Variants in ATR observed in about 807,000 individuals in gnomAD.
The protein encoded by ATR is ATR checkpoint kinase, also known as serine/threonine-protein kinase ATR.
In ATR, 142 loss-of-function variants were observed where a neutral mutation model predicts 305.3. The ratio of observed to expected loss-of-function variants is 0.47; its 90% CI spans 0.41 to 0.53. The LOEUF (loss-of-function observed/expected upper bound fraction) is 0.53. ATR is among the 20% of genes least tolerant of loss of function. The pLI is 0.00. For missense variants in ATR, 2,135 were observed against 3,133.1 expected (o/e 0.68, Z 7.60); for synonymous variants, 1,050 against 1,068.1 (o/e 0.98, Z 0.33).
chr3:142,566,291 C>T (rs1158644318), intron 2 of ATR, 30 bp from the exon 3 acceptor site: 1 of 1,609,106 alleles, frequency 6.2e-7, no homozygotes, highest in Non-Finnish European at 8.5e-7. Context: ...TTTAAAGAGT[C>T]ATGACAAATT....
rs752356196 is a variant in ATR at position 142,536,188 on chromosome 3, C to T, written c.3739G>A (p.Asp1247Asn). The T allele has an allele frequency of 1.3e-6, 2 of 1,581,374 alleles. No homozygotes were observed. The highest frequency in any genetic ancestry group is 2.2e-5 in the East Asian group (1 of 44,562). The part of the protein sequence containing the change: ...LIIENRDAVQ[D>N]FLHEIYFLPD... ...AAAAAATATATTTCATGAAGAAAAT[C>T]TTGCACAGCATCCCTAATAGTTAGT... The change falls in exon 20 of 47, where the codon GAT becomes AAT. Residue 1247 changes from aspartate (D) to asparagine (N), a missense_variant. Transcript: ENST00000350721.
Position 142,508,018 on chromosome 3 carries a change from G to C in ATR, c.4944C>G (p.Ser1648=), listed in dbSNP as rs200668215. ...GCATTACAGCTCGTGTGTATGCTTTGGAGCGAAAGGAAGCTACTGCCAGAG... is the reference window on the plus strand; with the variant it reads ...GCATTACAGCTCGTGTGTATGCTTTCGAGCGAAAGGAAGCTACTGCCAGAG... ...QDTLAVASFR[S]KAYTRAVMHF... is the part of the protein sequence containing the mutation. Residue 1648 remains serine (S), a synonymous_variant, in exon 28 of 47, where the codon TCC becomes TCG. Coordinates refer to ENST00000350721, the MANE Select transcript of ATR (RefSeq NM_001184.4). The C allele has an allele frequency of 1.8e-4, 294 of 1,613,082 alleles. No homozygotes were observed. Among genetic ancestry groups the C allele is most frequent in the Non-Finnish European group, 2.4e-4 (281 of 1,179,558 alleles).
At chr3:142,538,929 AT>A (rs1204446206) in intron 18 of ATR, among the ~76,000 whole-genome samples, 4 of 152,122 alleles carry the variant, frequency 2.6e-5, no homozygotes, top group African/African-American at 9.7e-5. Flanking sequence ...AAAAATAGAT[AT>A]CTGTAGAGGT....
rs186008658 is a variant in ATR, at chr3:142,451,030, C to G, written c.7762-1428G>C. ...CCATCAATTCCGTCTTAAGAGACAC[C>G]AGTGAATATGAATCATCCCTGGAGC... is the stretch of plus-strand genomic sequence containing the variant. On this transcript the variant is annotated intron_variant, in intron 46 of 46. Transcript: ENST00000350721. The G allele has an allele frequency of 8.1e-5, 103 of 1,263,844 alleles. No individual in the cohort carries two copies. In the Admixed American group the frequency reaches 1.1e-3, roughly 14 times the overall value. The allele number at this position is 1,263,844 out of a possible 1,614,324, so 78.3% of individuals were successfully genotyped here. A position where few individuals can be genotyped will look rare whatever the true frequency, so the allele number is the denominator to read the frequency against.
intron 36 of ATR, among the ~76,000 whole-genome samples, chr3:142,482,353 T>G (rs2030567253): frequency 6.6e-6 from 1 of 152,248 alleles, no homozygotes; most frequent in South Asian, 2.1e-4. Context: ...AAACAGGTTT[T>G]AAAATGTACT....
chr3:142,478,454 A>C (rs1237676234), intron 36 of ATR, among the ~76,000 whole-genome samples: 1 of 152,076 alleles, frequency 6.6e-6, no homozygotes, highest in African/African-American at 2.4e-5. Flanking sequence ...GGTCTGAGAG[A>C]CAGTTTGTTA....
At position 142,562,494 on chromosome 3, in the gene ATR, A is replaced by G. The variant is rs2034918289; in HGVS notation, c.908T>C (p.Phe303Ser). Residue 303 changes from phenylalanine (F) to serine (S), a missense_variant, in exon 4 of 47, where the codon TTT (phenylalanine) becomes TCT (serine). Physicochemically the swap from Phe to Ser is radical, Grantham distance 155. Coordinates refer to ENST00000350721, the MANE Select transcript of ATR (RefSeq NM_001184.4). ...EPLSKLIKTL[F>S]PFEAEAYRNI... ...TCTATAAGCTTCTGCTTCAAAGGGA[A>G]ATAGTGTCTTTATCAGCTTTGATAA... The G allele has an allele frequency of 6.2e-7, 1 of 1,614,118 alleles. No homozygotes were observed. Among genetic ancestry groups the G allele is most frequent in the Non-Finnish European group, 8.5e-7 (1 of 1,179,984 alleles).
chr3:142,561,424 G>A lies in ATR; in HGVS notation c.1171-3C>T, dbSNP rs1364558770. Reference sequence around the variant, plus strand: ...GCATAAAGTGGGCCCAACAAGTACTGAGAAAATAAAAAATAATTTCCAGAA... The same window carrying A: ...GCATAAAGTGGGCCCAACAAGTACTAAGAAAATAAAAAATAATTTCCAGAA... On this transcript the variant is annotated splice_polypyrimidine_tract_variant and splice_region_variant and intron_variant, in intron 4 of 46. Coordinates refer to ENST00000350721, the MANE Select transcript of ATR (RefSeq NM_001184.4). 2 of 1,611,472 alleles carry A rather than the reference G, an allele frequency of 1.2e-6. No individual in the cohort carries two copies. The highest frequency in any genetic ancestry group is 3.3e-5 in the Admixed American group (2 of 59,938).
rs2071169361 is a variant in ATR, at chr3:142,467,971, C to T, written c.6650G>A (p.Arg2217His). Residue 2217 changes from arginine to histidine, a missense_variant, in exon 39 of 47, where the codon CGC becomes CAC. This residue lies in a region of ATR where 462 missense variants were observed against 887.6 expected (regional missense o/e 0.52). Coordinates refer to ENST00000350721, the MANE Select transcript of ATR (RefSeq NM_001184.4). ...SLEKFVGDAT[R>H]LTDKLLELCN... ...CAATTCTAGAAGCTTATCTGTTAGG[C>T]GAGTTGCATCTCCAACAAACTTCTC... is the stretch of plus-strand genomic sequence containing the variant. The T allele has an allele frequency of 6.2e-7, 1 of 1,612,814 alleles. No individual in the cohort carries two copies. The highest frequency in any genetic ancestry group is 2.2e-5 in the East Asian group (1 of 44,716).
intron 35 of ATR, among the ~76,000 whole-genome samples, chr3:142,488,766 G>A (rs1247831955): frequency 1.3e-5 from 2 of 152,004 alleles, no homozygotes; most frequent in Non-Finnish European, 2.9e-5. Flanking sequence ...GGTTATTCTT[G>A]GCCTTTATGT....
At chr3:142,537,512 T>C (rs2033901687) in intron 19 of ATR, among the ~76,000 whole-genome samples, 1 of 152,174 alleles carries the variant, frequency 6.6e-6, no homozygotes, top group African/African-American at 2.4e-5. Context: ...ATTAGTGATT[T>C]TGTTGTTTTA....
chr3:142,542,795 A>C, intron 16 of ATR, 38 bp from the exon 17 acceptor site: 1 of 1,470,864 alleles, frequency 6.8e-7, no homozygotes, highest in Middle Eastern at 1.8e-4. Flanking sequence ...AGCTTTATAC[A>C]GATTGAATTT....
chr3:142,538,114 G>A (rs2033922093), intron 19 of ATR, among the ~76,000 whole-genome samples: 1 of 152,148 alleles, frequency 6.6e-6, no homozygotes, highest in Non-Finnish European at 1.5e-5. Context: ...ACGCAATGAG[G>A]TAATAAGGGT....
intron 35 of ATR, 115 bp downstream of exon 35, chr3:142,493,011 TACTCAC>T: frequency 1.1e-6 from 1 of 912,286 alleles, no homozygotes; most frequent in Non-Finnish European, 1.7e-6. Context: ...TATACTTATA[TACTCAC>T]TGAAAAGTCA....
At chr3:142,452,282 A>G (rs372331906) in intron 46 of ATR, 1 of 992,228 alleles carries the variant, frequency 1.0e-6, no homozygotes, top group East Asian at 1.1e-4. Context: ...TAGTTGGTAT[A>G]ATTCATTGTA....
At chr3:142,453,848 T>C (rs1006055310) in intron 45 of ATR, among the ~76,000 whole-genome samples, 12 of 152,200 alleles carry the variant, frequency 7.9e-5, no homozygotes, top group Non-Finnish European at 1.8e-4. Flanking sequence ...TTGGAATCTC[T>C]TCAGTTATCT....
rs552050218 is a variant in ATR, at chr3:142,500,174, T to TA, written c.5289-457dup. The TA allele has an allele frequency of 4.1e-3, 702 of 171,400 alleles. 1 individual carries two copies. Among genetic ancestry groups the TA allele is most frequent in the Non-Finnish European group, 6.6e-3 (532 of 80,666 alleles). 10.6% of individuals were successfully genotyped at this position (171,400 alleles called of 1,614,324 possible). On this transcript the variant is annotated intron_variant, in intron 30 of 46. Transcript: ENST00000350721. ...ATACAGGGGGGCCAGTGGTATAACT[T>TA]ACGGACAGTTGGGAGGTATCTAGAA...
chr3:142,456,727 T>G (rs553259372), intron 45 of ATR, among the ~76,000 whole-genome samples: 2 of 152,198 alleles, frequency 1.3e-5, no homozygotes, highest in African/African-American at 2.4e-5. Context: ...AAAACCACAA[T>G]GAGATACAAC....
At chr3:142,553,136 G>C in intron 13 of ATR, 91 bp downstream of exon 13, 1 of 1,462,152 alleles carries the variant, frequency 6.8e-7, no homozygotes, top group Non-Finnish European at 9.4e-7. Context: ...AGAAAAGCAA[G>C]CAAAATAAAA....
Sources: allele counts gnomAD v4.1 joint callset (sites outside exome capture counted in the v4.1 genomes callset), GRCh38; gene constraint gnomAD v4.1.1; regional missense constraint gnomAD v4.1.1; transcripts MANE v1.5; gene names NCBI Gene and HGNC (gene_info 2026-07-23, HGNC 2026-07-21).